Variants in HELZ observed in about 807,000 individuals in gnomAD.
The protein encoded by HELZ is helicase with zinc finger.
Under a neutral mutation model 218.2 loss-of-function variants are expected in HELZ, and 23 were observed. That is an observed-to-expected ratio of 0.11 (90% CI 0.08 to 0.15). The LOEUF (loss-of-function observed/expected upper bound fraction) is 0.15. HELZ is among the 10% of genes least tolerant of loss of function. The probability of loss-of-function intolerance (pLI) is 1.00; values close to 1 mark genes in which losing one functional copy is unlikely to be tolerated. For synonymous variants in HELZ, 814 were observed against 829.4 expected (o/e 0.98, Z 0.32); for missense variants, 1,813 against 2,353.7 (o/e 0.77, Z 4.75).
intron 7 of HELZ, among the ~76,000 whole-genome samples, chr17:67,196,839 T>C (rs980992031): frequency 9.9e-5 from 15 of 152,210 alleles, no homozygotes; most frequent in African/African-American, 3.6e-4. Flanking sequence ...CAAAGCCATC[T>C]TGAACTCCTC....
chr17:67,155,066 A>G (rs2038798967), intron 17 of HELZ, among the ~76,000 whole-genome samples: 1 of 152,236 alleles, frequency 6.6e-6, no homozygotes, highest in African/African-American at 2.4e-5. Flanking sequence ...GCATTTTCAG[A>G]TATGCAAGAG....
rs752380697 is a variant in HELZ at position 67,188,539 on chromosome 17, G to A, written c.942C>T (p.Ala314=). 12 of 1,613,304 alleles carry A rather than the reference G, an allele frequency of 7.4e-6. No individual in the cohort carries two copies. The highest frequency in any genetic ancestry group is 3.3e-5 in the South Asian group (3 of 91,048). ...GTGATACCTGGGTAGTACTATCTCC[G>A]GCAGATATTGCAATGATACTAAAAT... is the stretch of plus-strand genomic sequence containing the variant. ...RPHFSIIAIS[A]GDSTTQVSQE... The change falls in exon 12 of 33, where the codon GCC becomes GCT. Residue 314 remains alanine (A), a synonymous_variant. Transcript: ENST00000358691. This position sits in a 1 kb window ranked among gnomAD's most constrained non-coding sequence, Gnocchi z 4.1.
intron 12 of HELZ, among the ~76,000 whole-genome samples, chr17:67,185,954 A>G (rs952351698): frequency 6.6e-6 from 1 of 152,182 alleles, no homozygotes; most frequent in Non-Finnish European, 1.5e-5. Context: ...TATGTTAGAA[A>G]TATCAGAAAG....
At chr17:67,170,117 A>T (rs1354972595) in intron 13 of HELZ, among the ~76,000 whole-genome samples, 2 of 152,126 alleles carry the variant, frequency 1.3e-5, no homozygotes, top group Non-Finnish European at 2.9e-5. Flanking sequence ...TCACAGATTG[A>T]AAGTCTTATA....
intron 20 of HELZ, 151 bp downstream of exon 20, chr17:67,148,418 T>C (rs1487335369): frequency 1.6e-6 from 1 of 628,582 alleles, no homozygotes; most frequent in East Asian, 2.8e-5. Flanking sequence ...AGTTTTCTTT[T>C]AAAGACATAA....
At chr17:67,161,772 G>A (rs2039001163) in intron 15 of HELZ, among the ~76,000 whole-genome samples, 1 of 152,140 alleles carries the variant, frequency 6.6e-6, no homozygotes, top group Non-Finnish European at 1.5e-5. Flanking sequence ...ACTGTAATGA[G>A]ATCTATCTTA....
Position 67,203,460 on chromosome 17 carries a change from G to A in HELZ, c.248-17C>T. ...CTCCCAGCACTGCCATGAAAGAACA[G>A]CCATCATTAACCATATGACATTTAA... On this transcript the variant is annotated splice_polypyrimidine_tract_variant and intron_variant, in intron 5 of 32. Transcript: ENST00000358691. The A allele has an allele frequency of 6.2e-7, 1 of 1,612,662 alleles. No individual in the cohort carries two copies. The highest frequency in any genetic ancestry group is 1.1e-5 in the South Asian group (1 of 90,780).
At chr17:67,088,177 C>A (rs1054872508) in intron 31 of HELZ, among the ~76,000 whole-genome samples, 5 of 152,214 alleles carry the variant, frequency 3.3e-5, no homozygotes, top group Non-Finnish European at 7.3e-5. Flanking sequence ...TAAGATTCCA[C>A]GTTCCGTCTC....
intron 23 of HELZ, among the ~76,000 whole-genome samples, chr17:67,132,971 A>G (rs1217738827): frequency 1.3e-5 from 2 of 152,230 alleles, no homozygotes; most frequent in Non-Finnish European, 2.9e-5. Flanking sequence ...CCCAAGAATC[A>G]TATTATATTC....
chr17:67,200,894 A>C (rs1331296474), intron 7 of HELZ: 2 of 491,088 alleles, frequency 4.1e-6, no homozygotes, highest in Non-Finnish European at 7.3e-6. Flanking sequence ...AGTTCTGTCC[A>C]CTAGGGACAG....
chr17:67,121,458 G>A (rs1156850321), intron 26 of HELZ, among the ~76,000 whole-genome samples: 1 of 152,164 alleles, frequency 6.6e-6, no homozygotes, highest in East Asian at 1.9e-4. Context: ...TGGGGAGTGG[G>A]CATGAATTAC....
rs532527345 is a variant in HELZ at position 67,139,064 on chromosome 17, G to A, written c.2770-950C>T. Among the ~76,000 whole-genome samples, 5 of 151,848 alleles carry A rather than the reference G, an allele frequency of 3.3e-5. No homozygotes were observed. In the South Asian group the frequency reaches 8.3e-4, roughly 25 times the overall value. ...GTTTTCAAATGTCTTTAAGTACATC[G>A]TTTCTTTATTATTTACTAACAGTAT... is the stretch of plus-strand genomic sequence containing the variant. On this transcript the variant is annotated intron_variant, in intron 21 of 32. Transcript: ENST00000358691.
intron 27 of HELZ, among the ~76,000 whole-genome samples, chr17:67,117,770 C>T (rs957510225): frequency 2.0e-5 from 3 of 151,968 alleles, no homozygotes; most frequent in African/African-American, 4.8e-5. Flanking sequence ...CGCCTGGTCT[C>T]GAACTCTTGA....
intron 3 of HELZ, among the ~76,000 whole-genome samples, chr17:67,235,331 C>A (rs998044501): frequency 1.3e-5 from 2 of 151,982 alleles, no homozygotes; most frequent in South Asian, 2.1e-4. Context: ...ATGGTGAAAC[C>A]CCGTCTCTAC....
At position 67,089,166 on chromosome 17, in the gene HELZ, T is replaced by G. The variant is rs144250017; in HGVS notation, c.5242-2085A>C. ...GGGTATGGGCTCAGAAAGAGCAGAT[T>G]ATGATAACCATGTCTCCTGGTGATA... On this transcript the variant is annotated intron_variant, in intron 31 of 32. Coordinates refer to ENST00000358691, the MANE Select transcript of HELZ (RefSeq NM_014877.4). Among the ~76,000 whole-genome samples, 10 of 152,320 alleles carry G rather than the reference T, an allele frequency of 6.6e-5. No homozygotes were observed. The East Asian group carries it at 1.2e-3, about 18-fold the overall frequency.
chr17:67,080,561 T>TA (rs2036158138), intron 32 of HELZ, among the ~76,000 whole-genome samples: 1 of 152,212 alleles, frequency 6.6e-6, no homozygotes, highest in African/African-American at 2.4e-5. Context: ...TCCAAAACCT[T>TA]AAACTGCCTT....
At chr17:67,161,435 C>T (rs2038992087) in intron 15 of HELZ, among the ~76,000 whole-genome samples, 1 of 152,016 alleles carries the variant, frequency 6.6e-6, no homozygotes, top group Non-Finnish European at 1.5e-5. Flanking sequence ...CATCAGAAAA[C>T]TTTTTACTGA....
At chr17:67,206,749 G>A (rs988986489) in intron 5 of HELZ, among the ~76,000 whole-genome samples, 4 of 151,924 alleles carry the variant, frequency 2.6e-5, no homozygotes, top group Middle Eastern at 3.4e-3. Context: ...ACAGGCATGC[G>A]CCACCATACT....
At position 67,190,149 on chromosome 17, in the gene HELZ, T is replaced by C. The variant is rs749870903; in HGVS notation, c.756+8A>G. 4.3e-6 allele frequency: 7 copies of C among 1,609,900 alleles called. No homozygotes were observed. The highest frequency in any genetic ancestry group is 1.1e-5 in the South Asian group (1 of 90,960). ...CAAACAAAAAATAATGTAGCTTATT[T>C]TCCTCACCACTTTCTCAGGAGACAA... On this transcript the variant is annotated splice_region_variant and intron_variant, in intron 10 of 32. Coordinates refer to ENST00000358691, the MANE Select transcript of HELZ (RefSeq NM_014877.4).
Sources: gnomAD v4.1 joint callset for allele counts (sites outside exome capture counted in the v4.1 genomes callset) on GRCh38, gnomAD v4.1.1 for gene constraint, Gnocchi (gnomAD v3.1) non-coding constraint, MANE v1.5 for transcripts, NCBI Gene and HGNC (gene_info 2026-07-23, HGNC 2026-07-21) for gene names.